The following PDE4D variants were observed in gnomAD, a reference collection of about 807,000 sequenced individuals.
PDE4D encodes phosphodiesterase 4D.
In PDE4D, 24 loss-of-function variants were observed where a neutral mutation model predicts 87.4. That is an observed-to-expected ratio of 0.27 (90% CI 0.20 to 0.39). The LOEUF is 0.39. Among genes scored for constraint, PDE4D ranks in the 10% least tolerant of loss-of-function variants. PDE4D has a pLI of 1.00. For missense variants in PDE4D, 714 were observed against 1,041.0 expected (o/e 0.69, Z 4.32); for synonymous variants, 384 against 383.2 (o/e 1.00, Z -0.02).
chr5:60,322,406 ACACACACAC>A (rs1756382944), intron 1 of PDE4D, among the ~76,000 whole-genome samples: 2 of 137,618 alleles, frequency 1.5e-5, no homozygotes, highest in Admixed American at 7.3e-5. Flanking sequence ...ACACACACAC[ACACACACAC>A]AAAACCCTAA....
At chr5:59,018,713 A>G (rs1421445054) in intron 6 of PDE4D, among the ~76,000 whole-genome samples, 1 of 152,184 alleles carries the variant, frequency 6.6e-6, no homozygotes, top group Non-Finnish European at 1.5e-5. Flanking sequence ...AGGTTCTAAT[A>G]ATTCACAAAA....
chr5:60,059,040 ATGTGTG>A (rs70975363), intron 2 of PDE4D, among the ~76,000 whole-genome samples: 37 of 142,422 alleles, frequency 2.6e-4, no homozygotes, highest in Non-Finnish European at 4.7e-4. Context: ...GCATTGTCAT[ATGTGTG>A]TGTGTGTGTG....
intron 1 of PDE4D, among the ~76,000 whole-genome samples, chr5:59,591,360 C>A (rs1825891853): frequency 1.3e-5 from 2 of 152,104 alleles, no homozygotes; most frequent in African/African-American, 4.8e-5. Flanking sequence ...TAAAGTCACA[C>A]CCTAGTTCCT....
chr5:59,394,291 T>C (rs770490309), intron 1 of PDE4D, among the ~76,000 whole-genome samples: 5 of 152,182 alleles, frequency 3.3e-5, no homozygotes, highest in African/African-American at 7.2e-5. Flanking sequence ...GTCACTGTCA[T>C]AGTTTGTGAA....
chr5:60,241,241 G>A (rs1583185166), intron 1 of PDE4D, among the ~76,000 whole-genome samples: 1 of 143,700 alleles, frequency 7.0e-6, no homozygotes, highest in South Asian at 2.3e-4. Flanking sequence ...ATATACTGAA[G>A]AATACATCAG....
chr5:59,771,437 G>T (rs201403274), intron 1 of PDE4D, among the ~76,000 whole-genome samples: 1 of 80,050 alleles, frequency 1.2e-5, no homozygotes, highest in Non-Finnish European at 2.4e-5. Context: ...AAAAGAAAAA[G>T]AAAGAAAGAA....
chr5:59,838,075 C>T (rs1742405113), intron 1 of PDE4D, among the ~76,000 whole-genome samples: 2 of 152,022 alleles, frequency 1.3e-5, no homozygotes, highest in Non-Finnish European at 1.5e-5. Context: ...CATAATCAAG[C>T]ATTGTTTGAC....
chr5:59,258,223 A>T (rs1195019186), intron 1 of PDE4D, among the ~76,000 whole-genome samples: 1 of 151,928 alleles, frequency 6.6e-6, no homozygotes, highest in African/African-American at 2.4e-5. Context: ...TGACCACTCC[A>T]ACTAAAGTAC....
chr5:59,437,503 A>T (rs961994072), intron 1 of PDE4D, among the ~76,000 whole-genome samples: 2 of 152,200 alleles, frequency 1.3e-5, no homozygotes, highest in African/African-American at 4.8e-5. Context: ...GATAAAAAAT[A>T]ATCATGCTGC....
chr5:59,978,121 C>A (rs1239908281), intron 3 of PDE4D, among the ~76,000 whole-genome samples: 1 of 152,164 alleles, frequency 6.6e-6, no homozygotes. Context: ...GCTACCACAA[C>A]ATTCATTCTG....
rs908870123 is a variant in PDE4D at position 59,078,954 on chromosome 5, A to G, written c.809-39983T>C. 3.3e-5 allele frequency among the ~76,000 whole-genome samples: 5 copies of G among 152,244 alleles called. No homozygotes were observed. The South Asian group carries it at 8.3e-4, about 25-fold the overall frequency. The stretch of plus-strand genomic sequence containing the variant: ...TTCCTCTCTCTCTCCCAATCTGTCT[A>G]TCTCTCTCCCTTTTGCTTTCTGCCA... On this transcript the variant is annotated intron_variant, in intron 5 of 14. Transcript: ENST00000340635.
At chr5:59,352,922 G>C (rs955288917) in intron 1 of PDE4D, among the ~76,000 whole-genome samples, 6 of 152,148 alleles carry the variant, frequency 3.9e-5, no homozygotes, top group Admixed American at 6.5e-5. Flanking sequence ...AGGAAAAGAT[G>C]TTGAAACAAT....
At chr5:59,294,070 T>C (rs1768575260) in intron 1 of PDE4D, among the ~76,000 whole-genome samples, 1 of 152,204 alleles carries the variant, frequency 6.6e-6, no homozygotes, top group South Asian at 2.1e-4. Context: ...TACAGAATGT[T>C]TAGTTTACCC....
intron 1 of PDE4D, among the ~76,000 whole-genome samples, chr5:60,479,640 C>CTGCG (rs1748579616): frequency 6.6e-6 from 1 of 152,188 alleles, no homozygotes; most frequent in Non-Finnish European, 1.5e-5. Flanking sequence ...TTAGGCTATA[C>CTGCG]AGACCATATG....
At chr5:60,226,828 A>G (rs556067100) in intron 1 of PDE4D, among the ~76,000 whole-genome samples, 1 of 140,400 alleles carries the variant, frequency 7.1e-6, no homozygotes, top group South Asian at 2.4e-4. Context: ...GTTAATTTCT[A>G]CACATCACAC....
At chr5:60,333,680 C>G (rs1731818479) in intron 1 of PDE4D, among the ~76,000 whole-genome samples, 1 of 152,220 alleles carries the variant, frequency 6.6e-6, no homozygotes, top group Non-Finnish European at 1.5e-5. Flanking sequence ...CCCCAAACTT[C>G]TACCAGCTTC....
chr5:59,267,589 G>T (rs1763056906), intron 1 of PDE4D, among the ~76,000 whole-genome samples: 1 of 152,008 alleles, frequency 6.6e-6, no homozygotes, highest in African/African-American at 2.4e-5. Flanking sequence ...AAAAGACCAA[G>T]AAGTCACTCA....
chr5:59,612,046 T>G (rs1277502664), intron 1 of PDE4D, among the ~76,000 whole-genome samples: 2 of 152,192 alleles, frequency 1.3e-5, no homozygotes, highest in Non-Finnish European at 2.9e-5. Context: ...GCACAATGTC[T>G]CATTAAAACT....
chr5:58,975,897 A>C lies in PDE4D; in HGVS notation c.1831-58T>G, dbSNP rs1033230852. The C allele has an allele frequency of 5.6e-5, 70 of 1,256,818 alleles. No individual in the cohort carries two copies. Among genetic ancestry groups the C allele is most frequent in the Non-Finnish European group, 6.8e-5 (64 of 943,438 alleles). 77.9% of individuals were successfully genotyped at this position (1,256,818 alleles called of 1,614,324 possible). On this transcript the variant is annotated intron_variant, in intron 13 of 14. Coordinates refer to ENST00000340635, the MANE Select transcript of PDE4D (RefSeq NM_001104631.2). This position sits in a 1 kb window ranked among gnomAD's most constrained non-coding sequence, Gnocchi z 4.2. Reference sequence around the variant, plus strand: ...CTGTTCCTTTTTTTTAAAAAAAAAAACAAAAAAAACTAGAAATTCACATTG... The same window carrying C: ...CTGTTCCTTTTTTTTAAAAAAAAAACCAAAAAAAACTAGAAATTCACATTG...
Sources: allele counts gnomAD v4.1 joint callset (sites outside exome capture counted in the v4.1 genomes callset), GRCh38; gene constraint gnomAD v4.1.1; non-coding constraint Gnocchi (gnomAD v3.1); transcripts MANE v1.5; gene names NCBI Gene and HGNC (gene_info 2026-07-23, HGNC 2026-07-21).